Variants in CUBN observed in about 807,000 individuals in gnomAD.
CUBN encodes 460 kDa receptor.
In CUBN, 282 loss-of-function variants were observed where a neutral mutation model predicts 405.3. The ratio of observed to expected loss-of-function variants is 0.70; its 90% CI spans 0.63 to 0.77. CUBN has a LOEUF of 0.77. CUBN is among the 30% of genes least tolerant of loss of function. CUBN has a pLI of 0.00. For missense variants in CUBN, 4,514 were observed against 4,475.2 expected, an observed-to-expected ratio of 1.01 and a Z score of -0.25; for synonymous variants, 1,684 against 1,617.0, an observed-to-expected ratio of 1.04 and a Z score of -0.99.
At chr10:16,896,371 A>T (rs1564409371) in intron 54 of CUBN, among the ~76,000 whole-genome samples, 2 of 151,990 alleles carry the variant, frequency 1.3e-5, no homozygotes, top group Non-Finnish European at 2.9e-5. Flanking sequence ...AATTTTGTTT[A>T]GTTTACCTTC....
At chr10:17,077,721 G>A (rs1160429383) in intron 17 of CUBN, among the ~76,000 whole-genome samples, 3 of 152,148 alleles carry the variant, frequency 2.0e-5, no homozygotes, top group Non-Finnish European at 4.4e-5. Flanking sequence ...GGAGCCTTGG[G>A]CTAATCTGGG....
intron 7 of CUBN, 126 bp from the exon 8 acceptor site, chr10:17,114,315 G>A (rs1836838566): frequency 1.1e-6 from 1 of 933,918 alleles, no homozygotes; most frequent in Admixed American, 2.0e-5. Flanking sequence ...CAATCCACTG[G>A]CTTCTCTTTT....
At chr10:16,901,554 T>G (rs1841371879) in intron 51 of CUBN, 95 bp from the exon 52 acceptor site, 1 of 1,527,414 alleles carries the variant, frequency 6.5e-7, no homozygotes, top group South Asian at 1.1e-5. Flanking sequence ...TCAGATTTTG[T>G]GATTAAAAAC....
chr10:17,023,504 C>A, intron 27 of CUBN: 1 of 417,770 alleles, frequency 2.4e-6, no homozygotes, highest in South Asian at 1.7e-5. Context: ...ATTGACCACC[C>A]AAAACCACAC....
chr10:16,849,169 C>G (rs1181811289), intron 60 of CUBN, among the ~76,000 whole-genome samples: 1 of 152,156 alleles, frequency 6.6e-6, no homozygotes, highest in Non-Finnish European at 1.5e-5. Flanking sequence ...TTCTTGGCCT[C>G]TACTTTACAA....
intron 31 of CUBN, chr10:16,966,107 G>T: frequency 2.4e-6 from 1 of 415,714 alleles, no homozygotes; most frequent in Non-Finnish European, 4.9e-6. Flanking sequence ...AATAGGGTGG[G>T]AGTCCCCCAT....
intron 22 of CUBN, among the ~76,000 whole-genome samples, chr10:17,057,492 T>C (rs1257347359): frequency 2.0e-5 from 3 of 152,092 alleles, no homozygotes; most frequent in African/African-American, 7.2e-5. Flanking sequence ...GTCAATCATA[T>C]AGGTGGGAAT....
rs764327446 is a variant in CUBN at position 16,950,116 on chromosome 10, A to G, written c.4970-5T>C. 1.2e-6 allele frequency: 2 copies of G among 1,604,100 alleles called. No homozygotes were observed. Among genetic ancestry groups the G allele is most frequent in the South Asian group, 2.2e-5 (2 of 90,738 alleles). On this transcript the variant is annotated splice_region_variant and splice_polypyrimidine_tract_variant and intron_variant, in intron 33 of 66. Transcript: ENST00000377833. The stretch of plus-strand genomic sequence containing the variant: ...AAGAGAGGGTGATATGATTTACTGG[A>G]AGAAAAAAGAGAAGACTCTCTCGTA...
intron 42 of CUBN, 62 bp downstream of exon 42, chr10:16,925,522 A>G (rs548865248): frequency 5.0e-6 from 8 of 1,611,168 alleles, no homozygotes; most frequent in Admixed American, 3.3e-5. Flanking sequence ...AAAAATTATC[A>G]TTTTGTTTTC....
At chr10:17,017,190 C>T (rs1309190963) in intron 28 of CUBN, among the ~76,000 whole-genome samples, 1 of 152,164 alleles carries the variant, frequency 6.6e-6, no homozygotes, top group Non-Finnish European at 1.5e-5. Context: ...CAAGAACCCG[C>T]AACAGTCCCT....
At chr10:17,008,586 C>T (rs1564475778) in intron 28 of CUBN, among the ~76,000 whole-genome samples, 2 of 151,948 alleles carry the variant, frequency 1.3e-5, no homozygotes, top group Non-Finnish European at 2.9e-5. Context: ...CCTCCTATCA[C>T]AGGGTCTTTC....
intron 28 of CUBN, among the ~76,000 whole-genome samples, chr10:16,993,031 T>C (rs968222767): frequency 6.6e-6 from 1 of 152,208 alleles, no homozygotes; most frequent in Non-Finnish European, 1.5e-5. Context: ...AACAGGATGC[T>C]TCCGGAGTGG....
chr10:17,092,079 C>T (rs1836269732), intron 14 of CUBN, among the ~76,000 whole-genome samples: 1 of 152,110 alleles, frequency 6.6e-6, no homozygotes, highest in Non-Finnish European at 1.5e-5. Flanking sequence ...TGGCAAACCC[C>T]ACAGGGACGA....
chr10:16,889,800 G>T (rs1237640370), intron 55 of CUBN, among the ~76,000 whole-genome samples: 3 of 151,936 alleles, frequency 2.0e-5, no homozygotes, highest in Non-Finnish European at 4.4e-5. Context: ...TACTCGGCAG[G>T]CTAAGGCAGG....
chr10:16,863,582 G>C (rs941727247), intron 59 of CUBN, among the ~76,000 whole-genome samples: 1 of 152,002 alleles, frequency 6.6e-6, no homozygotes, highest in African/African-American at 2.4e-5. Context: ...TTATGCCATT[G>C]AATTTTTAAG....
intron 59 of CUBN, among the ~76,000 whole-genome samples, chr10:16,856,752 T>C (rs567275912): frequency 6.6e-6 from 1 of 152,312 alleles, no homozygotes; most frequent in South Asian, 2.1e-4. Flanking sequence ...CAGTGTGCTG[T>C]ACGAGCAGAT....
At chr10:17,093,149 C>T (rs1285891480) in intron 14 of CUBN, among the ~76,000 whole-genome samples, 4 of 152,062 alleles carry the variant, frequency 2.6e-5, no homozygotes, top group African/African-American at 9.7e-5. Flanking sequence ...AAGCATCTGG[C>T]GGTTTTGGAG....
At chr10:17,020,560 T>G (rs7904537) in intron 27 of CUBN, among the ~76,000 whole-genome samples, 1 of 151,906 alleles carries the variant, frequency 6.6e-6, no homozygotes, top group African/African-American at 2.4e-5. Context: ...AAAATACAAA[T>G]ATTGATTCGA....
At chr10:17,000,243 T>C (rs1833841235) in intron 28 of CUBN, among the ~76,000 whole-genome samples, 1 of 152,224 alleles carries the variant, frequency 6.6e-6, no homozygotes. Flanking sequence ...CGAGTTTGTA[T>C]AACTAAACCT....
Sources: allele counts gnomAD v4.1 joint callset (sites outside exome capture counted in the v4.1 genomes callset), GRCh38; gene constraint gnomAD v4.1.1; transcripts MANE v1.5; gene names NCBI Gene and HGNC (gene_info 2026-07-23, HGNC 2026-07-21).